Variants in NFIX observed in about 807,000 individuals in gnomAD.
NFIX encodes the protein nuclear factor 1 X-type.
In NFIX, 2 loss-of-function variants were observed where a neutral mutation model predicts 53.3. The observed-to-expected ratio is 0.04, with a 90% CI of 0.02 to 0.12. The LOEUF is 0.12. Ranked by LOEUF, NFIX falls within the 10% of genes least tolerant of loss-of-function variation. The pLI, the probability that NFIX is intolerant of heterozygous loss-of-function variation, is 1.00. For missense variants in NFIX, 310 were observed against 674.5 expected, an observed-to-expected ratio of 0.46 and a Z score of 5.99; for synonymous variants, 244 against 289.0, an observed-to-expected ratio of 0.84 and a Z score of 1.58.
At chr19:13,079,906 G>C (rs73507369) in intron 7 of NFIX, among the ~76,000 whole-genome samples, 5,403 of 152,356 alleles carry the variant, frequency 0.035, 327 homozygotes, top group African/African-American at 0.12. Context: ...ACGTGTGTGA[G>C]TGATGAGGCT....
chr19:13,019,962 A>T (rs2012882340), intron 1 of NFIX, among the ~76,000 whole-genome samples: 1 of 145,560 alleles, frequency 6.9e-6, no homozygotes, highest in African/African-American at 2.6e-5. Context: ...TCTTCCTATT[A>T]CCAGCATCAG....
intron 2 of NFIX, chr19:13,070,207 A>G (rs1169616730): frequency 1.3e-5 from 2 of 152,284 alleles, no homozygotes; most frequent in Admixed American, 1.3e-4. Flanking sequence ...GGTTCCTGCC[A>G]GCCTCCTTCC....
In NFIX at chr19:13,051,859, G is replaced by A. The variant is rs376271964; in HGVS notation, c.560-21188G>A. Among the ~76,000 whole-genome samples, 1 of 151,978 alleles carries A rather than the reference G, an allele frequency of 6.6e-6. No homozygotes were observed. The highest frequency in any genetic ancestry group is 1.5e-5 in the Non-Finnish European group (1 of 67,970). On this transcript the variant is annotated intron_variant, in intron 2 of 10. Coordinates refer to ENST00000592199, the MANE Select transcript of NFIX (RefSeq NM_001365902.3). This position sits in a 1 kb window ranked among gnomAD's most constrained non-coding sequence, Gnocchi z 5.1. ...CCTTAGCAGGTGCCTGGAGGGGGCG[G>A]GGCGGCTCCCGGGAGCAGCCGGGCG... is the stretch of plus-strand genomic sequence containing the variant.
At chr19:13,029,611 G>A (rs1334362065) in intron 2 of NFIX, among the ~76,000 whole-genome samples, 3 of 152,140 alleles carry the variant, frequency 2.0e-5, no homozygotes, top group Admixed American at 6.5e-5. Context: ...TGCAGGCTGC[G>A]CTGCCCCGAG....
chr19:13,083,124 T>G (rs1213948393), intron 8 of NFIX, among the ~76,000 whole-genome samples: 6 of 152,210 alleles, frequency 3.9e-5, no homozygotes, highest in African/African-American at 1.4e-4. Flanking sequence ...CTTAGCATAC[T>G]GGTAGCTTCG....
At chr19:13,056,487 C>T (rs947337387) in intron 2 of NFIX, among the ~76,000 whole-genome samples, 3 of 152,158 alleles carry the variant, frequency 2.0e-5, no homozygotes, top group Admixed American at 2.0e-4. Flanking sequence ...GGTATTCACT[C>T]TTACTGTTAA....
rs190689683 is a variant in NFIX, at chr19:13,089,065, C to T, written c.1402+929C>T. Among the ~76,000 whole-genome samples, 675 of 152,154 alleles carry T rather than the reference C, an allele frequency of 4.4e-3. 5 individuals carry two copies. Among genetic ancestry groups the T allele is most frequent in the Non-Finnish European group, 7.3e-3 (499 of 67,990 alleles). ...GGGTGGCCCATCTCACACTGCTCTCCGCTCGCTTTGTCTCTCCTCCTTTCT... is the reference window on the plus strand; with the variant it reads ...GGGTGGCCCATCTCACACTGCTCTCTGCTCGCTTTGTCTCTCCTCCTTTCT... On this transcript the variant is annotated intron_variant, in intron 9 of 10. Transcript: ENST00000592199. The surrounding 1 kb of genome is among the most constrained non-coding windows in gnomAD (Gnocchi z 4.8).
intron 2 of NFIX, among the ~76,000 whole-genome samples, chr19:13,063,064 T>TA (rs1204009016): frequency 6.6e-6 from 1 of 152,096 alleles, no homozygotes; most frequent in East Asian, 1.9e-4. Flanking sequence ...GAACCCTGCT[T>TA]AAGGCCAGAA....
chr19:13,054,408 G>T (rs116767742), intron 2 of NFIX, among the ~76,000 whole-genome samples: 1 of 152,264 alleles, frequency 6.6e-6, no homozygotes, highest in East Asian at 1.9e-4. Context: ...TGTGTAACTC[G>T]AGCTCCCCAT....
rs916163254 is a variant in NFIX, at chr19:13,011,762, G to A, written c.28-13259G>A. 1.1e-4 allele frequency among the ~76,000 whole-genome samples: 17 copies of A among 152,236 alleles called. No homozygotes were observed. In the East Asian group the frequency reaches 3.3e-3, roughly 29 times the overall value. The stretch of plus-strand genomic sequence containing the variant: ...GTACCCTACCTGAGACCGCCCCTCC[G>A]CCAAGTGCGCCCCTCGACAGGTGCC... On this transcript the variant is annotated intron_variant, in intron 1 of 10. Coordinates refer to ENST00000592199, the MANE Select transcript of NFIX (RefSeq NM_001365902.3). This position sits in a 1 kb window ranked among gnomAD's most constrained non-coding sequence, Gnocchi z 6.5.
chr19:13,031,132 C>T (rs1227269287), intron 2 of NFIX, among the ~76,000 whole-genome samples: 1 of 152,204 alleles, frequency 6.6e-6, no homozygotes, highest in African/African-American at 2.4e-5. Context: ...CTCCTTTGAC[C>T]ACCTGCTCTT....
At chr19:13,024,921 CT>C in intron 1 of NFIX, 99 bp from the exon 2 acceptor site, 1 of 1,487,816 alleles carries the variant, frequency 6.7e-7, no homozygotes, top group South Asian at 1.2e-5. Context: ...TGTGCCCCCC[CT>C]TCTAACGCTG....
Position 13,078,469 on chromosome 19 carries a change from A to G in NFIX, c.956-144A>G. ...CTAGAACAAGGCCTGGGACTGGGCAAGGAGCAGCAGGAGGGAGCACAGTGG... is the reference window on the plus strand; with the variant it reads ...CTAGAACAAGGCCTGGGACTGGGCAGGGAGCAGCAGGAGGGAGCACAGTGG... On this transcript the variant is annotated intron_variant, in intron 6 of 10. Transcript: ENST00000592199. The surrounding 1 kb of genome is among the most constrained non-coding windows in gnomAD (Gnocchi z 4.7). The G allele has an allele frequency of 9.2e-7, 1 of 1,090,110 alleles. No homozygotes were observed. Among genetic ancestry groups the G allele is most frequent in the Non-Finnish European group, 1.3e-6 (1 of 767,234 alleles). 67.5% of individuals were successfully genotyped at this position (1,090,110 alleles called of 1,614,324 possible). A position where few individuals can be genotyped will look rare whatever the true frequency, so the allele number is the denominator to read the frequency against.
Position 13,036,160 on chromosome 19 carries a change from G to C in NFIX, c.559+10608G>C, listed in dbSNP as rs2014171087. Among the ~76,000 whole-genome samples the C allele has an allele frequency of 6.6e-6, 1 of 152,172 alleles. No individual in the cohort carries two copies. The highest frequency in any genetic ancestry group is 1.5e-5 in the Non-Finnish European group (1 of 68,010). On this transcript the variant is annotated intron_variant, in intron 2 of 10. Coordinates refer to ENST00000592199, the MANE Select transcript of NFIX (RefSeq NM_001365902.3). This position sits in a 1 kb window ranked among gnomAD's most constrained non-coding sequence, Gnocchi z 4.7. ...TATCCTGCTTGGCTGCACCTGGCTT[G>C]GCCTCTGGAGTCGACTTCCCAAGTC...
intron 2 of NFIX, among the ~76,000 whole-genome samples, chr19:13,031,285 C>G (rs1426169768): frequency 6.6e-6 from 1 of 152,056 alleles, no homozygotes; most frequent in African/African-American, 2.4e-5. Flanking sequence ...TCACCTTTGT[C>G]GGAGCTTGAG....
chr19:13,032,958 A>G (rs193011507), intron 2 of NFIX, among the ~76,000 whole-genome samples: 1 of 152,186 alleles, frequency 6.6e-6, no homozygotes, highest in African/African-American at 2.4e-5. Context: ...TTGGGAAGAG[A>G]GTGCCACAGA....
In NFIX at chr19:13,024,126, A is replaced by C. The variant is rs369233782; in HGVS notation, c.28-895A>C. On this transcript the variant is annotated intron_variant, in intron 1 of 10. Coordinates refer to ENST00000592199, the MANE Select transcript of NFIX (RefSeq NM_001365902.3). Reference sequence around the variant, plus strand: ...CAAGCAAACAACCAAAAAAAAAAAAAAAAACCAAACAAAACCGAGAGAGCC... The same window carrying C: ...CAAGCAAACAACCAAAAAAAAAAAACAAAACCAAACAAAACCGAGAGAGCC... 146 of 906,592 alleles carry C rather than the reference A, an allele frequency of 1.6e-4. 2 individuals carry two copies. In the East Asian group the frequency reaches 2.0e-3, roughly 13 times the overall value. 56.2% of individuals were successfully genotyped at this position (906,592 alleles called of 1,614,324 possible).
chr19:13,042,604 C>T (rs1327336589), intron 2 of NFIX, among the ~76,000 whole-genome samples: 1 of 151,964 alleles, frequency 6.6e-6, no homozygotes, highest in Non-Finnish European at 1.5e-5. Flanking sequence ...GTGATCTTTC[C>T]GCCTCAGCCT....
intron 1 of NFIX, among the ~76,000 whole-genome samples, chr19:13,008,990 A>T (rs2012174989): frequency 2.6e-5 from 4 of 152,218 alleles, no homozygotes; most frequent in Admixed American, 2.6e-4. Flanking sequence ...TCACCGAGGT[A>T]GATTTGCGGG....
Sources: allele counts gnomAD v4.1 joint callset (sites outside exome capture counted in the v4.1 genomes callset), GRCh38; gene constraint gnomAD v4.1.1; non-coding constraint Gnocchi (gnomAD v3.1); transcripts MANE v1.5; gene names NCBI Gene and HGNC (gene_info 2026-07-23, HGNC 2026-07-21).